Variants in EPHA6 observed in about 807,000 individuals in gnomAD.
The protein encoded by EPHA6 is EPH receptor A6, also known as ephrin type-A receptor 6.
In EPHA6, 50 loss-of-function variants were observed where a neutral mutation model predicts 112.0. The observed-to-expected ratio is 0.45, with a 90% CI of 0.36 to 0.56. The LOEUF (loss-of-function observed/expected upper bound fraction) is 0.56, where lower values mean the gene tolerates loss of function less well. Ranked by LOEUF, EPHA6 falls within the 20% of genes least tolerant of loss-of-function variation. The pLI is 0.00. For synonymous variants in EPHA6, 529 were observed against 490.7 expected (o/e 1.08, Z -1.03); for missense variants, 1,280 against 1,417.4 (o/e 0.90, Z 1.56).
chr3:97,354,366 T>G (rs2083958819), intron 5 of EPHA6, among the ~76,000 whole-genome samples: 1 of 152,010 alleles, frequency 6.6e-6, no homozygotes, highest in South Asian at 2.1e-4. Context: ...GGAAGCTCAA[T>G]GGAATTCAAG....
chr3:97,520,358 A>G (rs2092521019), intron 10 of EPHA6, among the ~76,000 whole-genome samples: 1 of 152,060 alleles, frequency 6.6e-6, no homozygotes, highest in African/African-American at 2.4e-5. Context: ...TTTTGTTTCC[A>G]GGTGTAGACC....
chr3:97,207,317 G>A (rs2077739759), intron 3 of EPHA6, among the ~76,000 whole-genome samples: 1 of 152,118 alleles, frequency 6.6e-6, no homozygotes, highest in Non-Finnish European at 1.5e-5. Context: ...TATTTGCAAA[G>A]TACGGTCTTA....
chr3:97,593,602 A>G (rs1410041063), intron 12 of EPHA6, among the ~76,000 whole-genome samples: 6 of 152,206 alleles, frequency 3.9e-5, no homozygotes, highest in South Asian at 2.1e-4. Context: ...CCAGCCTGCA[A>G]TGTAATGGGA....
chr3:97,496,814 C>CA (rs368029197), intron 10 of EPHA6, among the ~76,000 whole-genome samples: 39 of 141,326 alleles, frequency 2.8e-4, no homozygotes, highest in South Asian at 2.0e-3. Context: ...TGCACACACA[C>CA]AAAAAAAAAA....
intron 13 of EPHA6, among the ~76,000 whole-genome samples, chr3:97,636,909 C>T (rs1198738523): frequency 6.6e-6 from 1 of 151,890 alleles, no homozygotes; most frequent in African/African-American, 2.4e-5. Context: ...TTTCATGTTG[C>T]TCTATAACTC....
intron 14 of EPHA6, among the ~76,000 whole-genome samples, chr3:97,640,545 C>T (rs900356091): frequency 1.3e-5 from 2 of 151,648 alleles, no homozygotes; most frequent in Admixed American, 6.6e-5. Flanking sequence ...CCGAGGGGAG[C>T]GGATCACCTG....
intron 9 of EPHA6, among the ~76,000 whole-genome samples, chr3:97,483,401 A>C (rs2091611789): frequency 6.6e-6 from 1 of 152,194 alleles, no homozygotes; most frequent in Non-Finnish European, 1.5e-5. Context: ...GAATACAAAA[A>C]ATGGCCATTA....
chr3:97,596,950 T>C (rs1181155065), intron 12 of EPHA6, among the ~76,000 whole-genome samples: 1 of 146,296 alleles, frequency 6.8e-6, no homozygotes, highest in African/African-American at 2.5e-5. Context: ...TAGAGATATA[T>C]ACAGAGAGAT....
chr3:97,460,169 T>A (rs1332890165), intron 7 of EPHA6, among the ~76,000 whole-genome samples: 1 of 152,244 alleles, frequency 6.6e-6, no homozygotes, highest in Admixed American at 6.5e-5. Context: ...GAAGAAATGC[T>A]ACATTCAATT....
chr3:97,736,807 G>A (rs2101377), intron 16 of EPHA6, among the ~76,000 whole-genome samples: 149,269 of 152,108 alleles, frequency 0.98, 73,263 homozygotes, highest in East Asian at 0.99. Flanking sequence ...TATCATCTAT[G>A]TCTGAAAATA....
chr3:97,070,652 G>A (rs2046322367), intron 3 of EPHA6, among the ~76,000 whole-genome samples: 1 of 152,142 alleles, frequency 6.6e-6, no homozygotes, highest in African/African-American at 2.4e-5. Context: ...TCATGGCAGT[G>A]TTCTGTGCAT....
Position 97,592,637 on chromosome 3 carries a change from G to C in EPHA6, c.2412G>C (p.Glu804Asp). The change falls in exon 12 of 18, where the codon GAG (glutamate) becomes GAC (aspartate). Residue 804 changes from glutamate (E) to aspartate (D), a missense_variant. Around this residue, in one of 4 missense-constraint regions of EPHA6, gnomAD observed 878 missense variants for 999.7 expected, o/e 0.88. Coordinates refer to ENST00000389672, the MANE Select transcript of EPHA6 (RefSeq NM_001080448.3). ...TKRSFPAIGVEAFCPSFLRAG... is the reference protein window; with the variant it reads ...TKRSFPAIGVDAFCPSFLRAG... ...GATCCTTCCCGGCCATTGGGGTGGA[G>C]GCGTTTTGCCCCAGCTTCCTGAGGG... 6.2e-7 allele frequency: 1 copy of C among 1,613,512 alleles called. No individual in the cohort carries two copies. The highest frequency in any genetic ancestry group is 8.5e-7 in the Non-Finnish European group (1 of 1,179,712).
In EPHA6 at chr3:97,622,158, A is replaced by G. The variant is rs952313560; in HGVS notation, c.2574+11304A>G. 2.6e-5 allele frequency among the ~76,000 whole-genome samples: 4 copies of G among 151,988 alleles called. No individual in the cohort carries two copies. The East Asian group carries it at 7.8e-4, about 30-fold the overall frequency. On this transcript the variant is annotated intron_variant, in intron 13 of 17. Coordinates refer to ENST00000389672, the MANE Select transcript of EPHA6 (RefSeq NM_001080448.3). ...CATTGTGCAAATATCACCAGTATCCATCTGCAGAACTCTATTTATCTGGCA... is the reference window on the plus strand; with the variant it reads ...CATTGTGCAAATATCACCAGTATCCGTCTGCAGAACTCTATTTATCTGGCA...
intron 2 of EPHA6, among the ~76,000 whole-genome samples, chr3:96,957,801 TC>T (rs1303682754): frequency 6.6e-6 from 1 of 152,220 alleles, no homozygotes; most frequent in African/African-American, 2.4e-5. Flanking sequence ...TATTTGGCAT[TC>T]CTTTTTTATT....
intron 13 of EPHA6, among the ~76,000 whole-genome samples, chr3:97,615,585 G>C (rs983615694): frequency 2.0e-5 from 3 of 152,234 alleles, no homozygotes; most frequent in South Asian, 2.1e-4. Flanking sequence ...AGAGTTCCTG[G>C]GGGGAGGGGC....
chr3:97,186,262 C>A (rs2077133137), intron 3 of EPHA6, among the ~76,000 whole-genome samples: 2 of 152,040 alleles, frequency 1.3e-5, no homozygotes, highest in Admixed American at 1.3e-4. Context: ...AGCCTGCTTC[C>A]TAGCTATAGA....
At chr3:97,204,100 A>G (rs2077651279) in intron 3 of EPHA6, among the ~76,000 whole-genome samples, 1 of 152,162 alleles carries the variant, frequency 6.6e-6, no homozygotes, top group Non-Finnish European at 1.5e-5. Flanking sequence ...TTAAACTTAG[A>G]AGAGTTAAGA....
At chr3:97,081,478 T>G (rs2046717474) in intron 3 of EPHA6, among the ~76,000 whole-genome samples, 1 of 151,940 alleles carries the variant, frequency 6.6e-6, no homozygotes, top group Admixed American at 6.6e-5. Context: ...AGGAGATAGC[T>G]GTTTATCTCT....
intron 10 of EPHA6, among the ~76,000 whole-genome samples, chr3:97,502,254 T>G (rs995062872): frequency 6.7e-6 from 1 of 148,848 alleles, no homozygotes; most frequent in African/African-American, 2.5e-5. Context: ...CTGCAACCTC[T>G]GCCTCCTAGG....
Sources: allele counts gnomAD v4.1 joint callset (sites outside exome capture counted in the v4.1 genomes callset), GRCh38; gene constraint gnomAD v4.1.1; regional missense constraint gnomAD v4.1.1; transcripts MANE v1.5; gene names NCBI Gene and HGNC (gene_info 2026-07-23, HGNC 2026-07-21).